SLF1: variants seen among roughly 807,000 people sequenced by gnomAD.
The protein encoded by SLF1 is SMC5-SMC6 complex localization factor protein 1.
A neutral mutation model predicts 123.0 loss-of-function variants in SLF1; 105 were observed. The ratio of observed to expected loss-of-function variants is 0.85; its 90% CI spans 0.73 to 1.00. SLF1 has a LOEUF of 1.00. Ranked by LOEUF, SLF1 falls within the 50% of genes least tolerant of loss-of-function variation. The probability of loss-of-function intolerance (pLI) is 0.00; values close to 1 mark genes in which losing one functional copy is unlikely to be tolerated. For missense variants in SLF1, 1,239 were observed against 1,223.0 expected (o/e 1.01, Z -0.20); for synonymous variants, 434 against 406.6 (o/e 1.07, Z -0.81).
At position 94,631,465 on chromosome 5, in the gene SLF1, C is replaced by T. The variant is rs1013485951; in HGVS notation, c.431+722C>T. Among the ~76,000 whole-genome samples the T allele has an allele frequency of 2.0e-5, 3 of 152,178 alleles. No homozygotes were observed. The East Asian group carries it at 5.8e-4, about 29-fold the overall frequency. On this transcript the variant is annotated intron_variant, in intron 4 of 20. Transcript: ENST00000265140. ...CTAATTTCCTTTTTATCACTATAGA[C>T]TAGATGTATACTTTTTAAGAGGTCC...
chr5:94,628,781 C>G, intron 1 of SLF1, 30 bp from the exon 2 acceptor site: 1 of 1,404,358 alleles, frequency 7.1e-7, no homozygotes, highest in East Asian at 2.5e-5. Context: ...CTTTAACACA[C>G]ATTATCTTCT....
Position 94,692,253 on chromosome 5 carries a change from G to A in SLF1, c.2692G>A (p.Gly898Arg), listed in dbSNP as rs1561481415. 6.2e-6 allele frequency: 10 copies of A among 1,612,640 alleles called. No individual in the cohort carries two copies. Among genetic ancestry groups the A allele is most frequent in the Non-Finnish European group, 8.5e-6 (10 of 1,179,072 alleles). The change falls in exon 20 of 21, where the codon GGG (glycine) becomes AGG (arginine). Residue 898 changes from glycine (G) to arginine (R), a missense_variant. Physicochemically the swap from Gly to Arg is moderately radical, Grantham distance 125. Coordinates refer to ENST00000265140, the MANE Select transcript of SLF1 (RefSeq NM_032290.4). ...AATTGGCAAGCTGCTACTACAGCAT[G>A]GGGGTGAGTGTGTTTATGCTAAATG... The part of the protein sequence containing the change: ...VEIGKLLLQH[G>R]GPVLLQQRNA...
chr5:94,670,054 A>C, intron 12 of SLF1, 97 bp from the exon 13 acceptor site: 1 of 1,191,396 alleles, frequency 8.4e-7, no homozygotes, highest in Non-Finnish European at 1.1e-6. Flanking sequence ...AAATTTTATT[A>C]AAATTCCAGC....
At chr5:94,662,499 T>A (rs1278369813) in intron 10 of SLF1, 148 bp downstream of exon 10, 1 of 607,224 alleles carries the variant, frequency 1.6e-6, no homozygotes, top group African/African-American at 1.9e-5. Flanking sequence ...GCTTCTCTAA[T>A]CAGAAATGAT....
At position 94,690,066 on chromosome 5, in the gene SLF1, A is replaced by G. The variant is rs541067870; in HGVS notation, c.2419+460A>G. On this transcript the variant is annotated intron_variant, in intron 18 of 20. Transcript: ENST00000265140. ...GCATATGGGCTCTTTTCTTCCAGGC[A>G]TTGAGCCCAGACTATGAAATGTGTT... Among the ~76,000 whole-genome samples, 422 of 152,312 alleles carry G rather than the reference A, an allele frequency of 2.8e-3. 1 individual carries two copies. Among genetic ancestry groups the G allele is most frequent in the Middle Eastern group, 0.01 (3 of 294 alleles).
rs888035271 is a variant in SLF1 at position 94,629,073 on chromosome 5, T to C, written c.115-19T>C. 1.3e-6 allele frequency: 2 copies of C among 1,523,370 alleles called. No homozygotes were observed. The highest frequency in any genetic ancestry group is 2.8e-5 in the African/African-American group (2 of 71,910). The allele number at this position is 1,523,370 out of a possible 1,614,324, so 94.4% of individuals were successfully genotyped here. A position where few individuals can be genotyped will look rare whatever the true frequency, so the allele number is the denominator to read the frequency against. On this transcript the variant is annotated intron_variant, in intron 2 of 20. Transcript: ENST00000265140. ...GTCTTACTTTAGTAACATTTCTTGA[T>C]GTGGATTTTTCCCTCCAGAAATACA...
chr5:94,689,208 A>T (rs1367196486), intron 17 of SLF1, among the ~76,000 whole-genome samples: 1 of 152,182 alleles, frequency 6.6e-6, no homozygotes, highest in African/African-American at 2.4e-5. Flanking sequence ...ATATGGTTTA[A>T]CTGGTCTTTT....
intron 1 of SLF1, among the ~76,000 whole-genome samples, chr5:94,624,050 G>A (rs149797110): frequency 1.3e-3 from 205 of 152,212 alleles, no homozygotes; most frequent in African/African-American, 4.8e-3. Context: ...ACAAAACTGT[G>A]CTAGTTATTT....
chr5:94,636,752 C>G (rs1745845905), intron 4 of SLF1, among the ~76,000 whole-genome samples: 2 of 135,594 alleles, frequency 1.5e-5, no homozygotes, highest in South Asian at 2.4e-4. Flanking sequence ...GAACCTCACC[C>G]TGTCACCCAG....
At position 94,697,227 on chromosome 5, in the gene SLF1, A is replaced by G. The variant is rs1460002423; in HGVS notation, c.*1915A>G. Reference sequence around the variant, plus strand: ...ACTTCTTCGAAAGTCCAACGTGGCAAACATAGGTTACTGTGTTCTGTGCCC... The same window carrying G: ...ACTTCTTCGAAAGTCCAACGTGGCAGACATAGGTTACTGTGTTCTGTGCCC... On this transcript the variant is annotated 3_prime_UTR_variant, in exon 21 of 21. Transcript: ENST00000265140. 4 of 151,888 alleles carry G rather than the reference A, an allele frequency of 2.6e-5. No individual in the cohort carries two copies. The highest frequency in any genetic ancestry group is 9.7e-5 in the African/African-American group (4 of 41,412). The allele number at this position is 151,888 out of a possible 1,614,324, so 9.4% of individuals were successfully genotyped here.
At position 94,695,429 on chromosome 5, in the gene SLF1, C is replaced by A; in HGVS notation, c.*117C>A. 1 of 1,232,166 alleles carries A rather than the reference C, an allele frequency of 8.1e-7. No homozygotes were observed. The highest frequency in any genetic ancestry group is 1.1e-6 in the Non-Finnish European group (1 of 941,884). The allele number at this position is 1,232,166 out of a possible 1,614,324, so 76.3% of individuals were successfully genotyped here. ...TTGATTTATTTATTGACAGACTTTG[C>A]AGCCTTGCTAAATTTTAAAAGCATT... On this transcript the variant is annotated 3_prime_UTR_variant, in exon 21 of 21. Coordinates refer to ENST00000265140, the MANE Select transcript of SLF1 (RefSeq NM_032290.4).
chr5:94,692,337 G>A (rs1022422382), intron 20 of SLF1, 81 bp downstream of exon 20: 2 of 1,346,252 alleles, frequency 1.5e-6, no homozygotes, highest in East Asian at 2.4e-5. Context: ...AGCATTTTAT[G>A]TTTAAAATCT....
At chr5:94,681,289 CT>C (rs1349325578) in intron 15 of SLF1, among the ~76,000 whole-genome samples, 1 of 152,022 alleles carries the variant, frequency 6.6e-6, no homozygotes. Context: ...GCCACCAAGC[CT>C]GGCTAACTTT....
At chr5:94,630,045 A>G (rs566487175) in intron 3 of SLF1, among the ~76,000 whole-genome samples, 1 of 152,338 alleles carries the variant, frequency 6.6e-6, no homozygotes, top group Non-Finnish European at 1.5e-5. Flanking sequence ...AATTTGTTTT[A>G]CAGAGTAATA....
chr5:94,687,690 TCAA>T (rs142879632), intron 16 of SLF1, among the ~76,000 whole-genome samples: 38,682 of 150,060 alleles, frequency 0.26, 5,258 homozygotes, highest in Non-Finnish European at 0.3. Flanking sequence ...AGACCCTGTC[TCAA>T]CAACAACAAC....
At chr5:94,653,112 C>A (rs1360347718) in intron 7 of SLF1, among the ~76,000 whole-genome samples, 160 bp from the exon 8 acceptor site, 1 of 152,156 alleles carries the variant, frequency 6.6e-6, no homozygotes, top group Non-Finnish European at 1.5e-5. Flanking sequence ...CCGCCTTGGC[C>A]TCCCAAAGTG....
At chr5:94,646,881 TACTG>T (rs1198223415) in intron 5 of SLF1, among the ~76,000 whole-genome samples, 1 of 152,212 alleles carries the variant, frequency 6.6e-6, no homozygotes, top group Non-Finnish European at 1.5e-5. Flanking sequence ...GAGTAATAGT[TACTG>T]AGTGATTATT....
intron 12 of SLF1, among the ~76,000 whole-genome samples, chr5:94,668,408 A>G (rs941288888): frequency 1.2e-4 from 18 of 151,796 alleles, no homozygotes; most frequent in African/African-American, 4.1e-4. Flanking sequence ...ATCTCGGCTC[A>G]CTGCAACCTC....
At chr5:94,645,263 A>T (rs1275946974) in intron 5 of SLF1, among the ~76,000 whole-genome samples, 1 of 152,210 alleles carries the variant, frequency 6.6e-6, no homozygotes, top group East Asian at 1.9e-4. Context: ...CTGGTTAACC[A>T]TGAAAAGAAC....
Sources: allele counts gnomAD v4.1 joint callset (sites outside exome capture counted in the v4.1 genomes callset), GRCh38; gene constraint gnomAD v4.1.1; transcripts MANE v1.5; gene names NCBI Gene and HGNC (gene_info 2026-07-23, HGNC 2026-07-21).